TPI1: variants seen among roughly 807,000 people sequenced by gnomAD.
TPI1 encodes the protein triosephosphate isomerase.
A neutral mutation model predicts 31.0 loss-of-function variants in TPI1; 11 were observed. That is an observed-to-expected ratio of 0.36 (90% CI 0.22 to 0.59). The LOEUF is 0.59. Ranked by LOEUF, TPI1 falls within the 20% of genes least tolerant of loss-of-function variation. The pLI, the probability that TPI1 is intolerant of heterozygous loss-of-function variation, is 0.79. For synonymous variants in TPI1, 121 were observed against 122.8 expected (o/e 0.99, Z 0.10); for missense variants, 245 against 319.7 (o/e 0.77, Z 1.78).
At chr12:6,869,642 C>A (rs782720685) in intron 4 of TPI1, 46 bp from the exon 5 acceptor site, 154 of 1,604,986 alleles carry the variant, frequency 9.6e-5, no homozygotes, top group Non-Finnish European at 1.2e-4. Flanking sequence ...GGCTGGAGAG[C>A]TCTTTCTTGT....
Position 6,867,648 on chromosome 12 carries a change from A to C in TPI1, c.82A>C (p.Thr28Pro). Residue 28 changes from threonine to proline, a missense_variant, in exon 1 of 7, where the codon ACT (threonine) becomes CCT (proline). Coordinates refer to ENST00000396705, the MANE Select transcript of TPI1 (RefSeq NM_000365.6). ...RKQSLGELIGTLNAAKVPADT... is the reference protein window; with the variant it reads ...RKQSLGELIGPLNAAKVPADT... The stretch of plus-strand genomic sequence containing the variant: ...GCAGAGTCTGGGGGAGCTCATCGGC[A>C]CTCTGAACGCGGCCAAGGTGCCGGC... 1 of 1,610,698 alleles carries C rather than the reference A, an allele frequency of 6.2e-7. No homozygotes were observed.
upstream of TPI1, chr12:6,867,466 A>G: frequency 6.6e-7 from 1 of 1,520,714 alleles, no homozygotes; most frequent in Non-Finnish European, 8.8e-7. Flanking sequence ...ATGGCGGAGG[A>G]CGGCGAGGAG....
chr12:6,867,425 G>A, upstream of TPI1: 1 of 1,453,298 alleles, frequency 6.9e-7, no homozygotes, highest in South Asian at 1.4e-5. Flanking sequence ...AGGGCGGGCG[G>A]GGGGCAGGGC....
At chr12:6,867,957 C>T in intron 1 of TPI1, 1 of 820,774 alleles carries the variant, frequency 1.2e-6, no homozygotes. Flanking sequence ...CCCCGGGGCG[C>T]GCACTGGGGC....
At position 6,870,534 on chromosome 12, in the gene TPI1, A is replaced by G. The variant is rs1002698256; in HGVS notation, c.*151A>G. 3 of 783,652 alleles carry G rather than the reference A, an allele frequency of 3.8e-6. No individual in the cohort carries two copies. Among genetic ancestry groups the G allele is most frequent in the African/African-American group, 3.4e-5 (2 of 59,186 alleles). 48.5% of individuals were successfully genotyped at this position (783,652 alleles called of 1,614,324 possible). A position where few individuals can be genotyped will look rare whatever the true frequency, so the allele number is the denominator to read the frequency against. On this transcript the variant is annotated 3_prime_UTR_variant, in exon 7 of 7. Coordinates refer to ENST00000396705, the MANE Select transcript of TPI1 (RefSeq NM_000365.6). ...AACTGTATCTTCCTTTACTGTTTAT[A>G]TCTTCACCCTGTAATGGTTGGGACC...
intron 1 of TPI1, chr12:6,867,971 G>A: frequency 9.3e-6 from 9 of 965,384 alleles, no homozygotes; most frequent in Non-Finnish European, 1.3e-5. Context: ...CTGGGGCTGT[G>A]CCCGCCAGGC....
Position 6,867,553 on chromosome 12 carries a change from T to G in TPI1, c.-14T>G. ...CGCGCAGACACTGACCTTCAGCGCCTCGGCTCCAGCGCCATGGCGCCCTCC... is the reference window on the plus strand; with the variant it reads ...CGCGCAGACACTGACCTTCAGCGCCGCGGCTCCAGCGCCATGGCGCCCTCC... On this transcript the variant is annotated 5_prime_UTR_variant, in exon 1 of 7. Transcript: ENST00000396705. 6.2e-7 allele frequency: 1 copy of G among 1,611,184 alleles called. No homozygotes were observed.
In TPI1 at chr12:6,869,285, C is replaced by T. The variant is rs1555132196; in HGVS notation, c.352C>T (p.Leu118=). 9 of 1,613,926 alleles carry T rather than the reference C, an allele frequency of 5.6e-6. No homozygotes were observed. The Admixed American group carries it at 1.0e-4, about 18-fold the overall frequency. Residue 118 remains leucine (L), a synonymous_variant, in exon 4 of 7, where the codon CTG becomes TTG. Transcript: ENST00000396705. The stretch of plus-strand genomic sequence containing the variant: ...GATTGGGCAGAAAGTGGCCCATGCT[C>T]TGGCAGAGGGACTCGGAGTAATCGC... The part of the protein sequence containing the change: ...ELIGQKVAHA[L]AEGLGVIACI...
At position 6,870,873 on chromosome 12, in the gene TPI1, C is replaced by T; in HGVS notation, c.*490C>T. On this transcript the variant is annotated 3_prime_UTR_variant, in exon 7 of 7. Transcript: ENST00000396705. ...TCACTGGACTTGCCCAGATAATCTT[C>T]CTTTTTGAGGCAGCTATATAAATGA... The T allele has an allele frequency of 1.7e-6, 1 of 578,570 alleles. No individual in the cohort carries two copies. The highest frequency in any genetic ancestry group is 3.2e-6 in the Non-Finnish European group (1 of 308,348). 35.8% of individuals were successfully genotyped at this position (578,570 alleles called of 1,614,324 possible).
chr12:6,869,658 C>T (rs1555132339), intron 4 of TPI1, 30 bp from the exon 5 acceptor site: 2 of 1,612,352 alleles, frequency 1.2e-6, no homozygotes, highest in Non-Finnish European at 8.5e-7. Flanking sequence ...CTTGTTCACC[C>T]TTCCCTCCAT....
chr12:6,868,829 A>C, intron 1 of TPI1, 35 bp from the exon 2 acceptor site: 1 of 1,601,822 alleles, frequency 6.2e-7, no homozygotes, highest in Non-Finnish European at 8.5e-7. Flanking sequence ...GGCTTTCTTT[A>C]GTCTCATCCC....
intron 1 of TPI1, 118 bp from the exon 2 acceptor site, chr12:6,868,746 A>G (rs1591616110): frequency 6.8e-7 from 1 of 1,476,766 alleles, no homozygotes; most frequent in East Asian, 2.5e-5. Flanking sequence ...GAAAAGGGGG[A>G]GAGCAGAACC....
At position 6,870,506 on chromosome 12, in the gene TPI1, C is replaced by G; in HGVS notation, c.*123C>G. On this transcript the variant is annotated 3_prime_UTR_variant, in exon 7 of 7. Transcript: ENST00000396705. ...CATCTGCTCCTTCCTGTGGCCTCATCCAAACTGTATCTTCCTTTACTGTTT... is the reference window on the plus strand; with the variant it reads ...CATCTGCTCCTTCCTGTGGCCTCATGCAAACTGTATCTTCCTTTACTGTTT... 1 of 821,462 alleles carries G rather than the reference C, an allele frequency of 1.2e-6. No individual in the cohort carries two copies. The highest frequency in any genetic ancestry group is 1.3e-5 in the South Asian group (1 of 74,634). The allele number at this position is 821,462 out of a possible 1,614,324, so 50.9% of individuals were successfully genotyped here. A position where few individuals can be genotyped will look rare whatever the true frequency, so the allele number is the denominator to read the frequency against.
Position 6,869,770 on chromosome 12 carries a change from A to C in TPI1, c.540A>C (p.Gln180His), listed in dbSNP as rs1591617527. The part of the protein sequence containing the change: ...AIGTGKTATP[Q>H]QAQEVHEKLR... ...GTACTGGCAAGACTGCAACACCCCA[A>C]CAGGTAACCGGGCCCAGGAGCCCTG... Residue 180 changes from glutamine (Q) to histidine (H), a missense_variant, in exon 5 of 7, where the codon CAA (glutamine) becomes CAC (histidine). This residue lies in a region of TPI1 where 127 missense variants were observed against 163.7 expected (regional missense o/e 0.78). Coordinates refer to ENST00000396705, the MANE Select transcript of TPI1 (RefSeq NM_000365.6). The C allele has an allele frequency of 6.2e-7, 1 of 1,614,032 alleles. No homozygotes were observed. Among genetic ancestry groups the C allele is most frequent in the African/African-American group, 1.3e-5 (1 of 74,906 alleles).
chr12:6,869,651 G>C (rs781985611), intron 4 of TPI1, 37 bp from the exon 5 acceptor site: 7 of 1,611,250 alleles, frequency 4.3e-6, no homozygotes, highest in Middle Eastern at 3.3e-4. Flanking sequence ...GCTCTTTCTT[G>C]TTCACCCTTC....
At position 6,870,156 on chromosome 12, in the gene TPI1, G is replaced by T. The variant is rs1944555685; in HGVS notation, c.631+20G>T. ...ATGGAGGTGAGTGGCTTTGGTTCCC[G>T]GCTGAGGTGGAGTGGGCTGAGGACT... On this transcript the variant is annotated intron_variant, in intron 6 of 6. Transcript: ENST00000396705. The T allele has an allele frequency of 1.2e-6, 2 of 1,612,038 alleles. No homozygotes were observed. The highest frequency in any genetic ancestry group is 2.2e-5 in the East Asian group (1 of 44,884).
At chr12:6,867,973 C>T in intron 1 of TPI1, 1 of 985,782 alleles carries the variant, frequency 1.0e-6, no homozygotes, top group East Asian at 3.7e-5. Context: ...GGGGCTGTGC[C>T]CGCCAGGCGA....
Position 6,867,551 on chromosome 12 carries a change from C to G in TPI1, c.-16C>G. ...TGCGCGCAGACACTGACCTTCAGCGCCTCGGCTCCAGCGCCATGGCGCCCT... is the reference window on the plus strand; with the variant it reads ...TGCGCGCAGACACTGACCTTCAGCGGCTCGGCTCCAGCGCCATGGCGCCCT... On this transcript the variant is annotated 5_prime_UTR_variant, in exon 1 of 7. Transcript: ENST00000396705. 4 of 1,610,898 alleles carry G rather than the reference C, an allele frequency of 2.5e-6. No homozygotes were observed. Among genetic ancestry groups the G allele is most frequent in the African/African-American group, 2.7e-5 (2 of 74,938 alleles).
upstream of TPI1, chr12:6,867,457 TGGCGGAGGACGGCGAGGA>T (rs1565536298): frequency 6.6e-7 from 1 of 1,516,516 alleles, no homozygotes; most frequent in Non-Finnish European, 8.8e-7. Context: ...GGGCGGGCCA[TGGCGGAGGACGGCGAGGA>T]GGCGGAGTTC....
Sources: gnomAD v4.1 joint callset for allele counts on GRCh38, gnomAD v4.1.1 for gene constraint, gnomAD v4.1.1 regional missense constraint, MANE v1.5 for transcripts, NCBI Gene and HGNC (gene_info 2026-07-23, HGNC 2026-07-21) for gene names.